Variants in LRRC49 observed in about 807,000 individuals in gnomAD.
The protein encoded by LRRC49 is leucine rich repeat containing 49.
A neutral mutation model predicts 83.3 loss-of-function variants in LRRC49; 50 were observed. The ratio of observed to expected loss-of-function variants is 0.60; its 90% CI spans 0.48 to 0.76. The LOEUF is 0.76. Ranked by LOEUF, LRRC49 falls within the 30% of genes least tolerant of loss-of-function variation. LRRC49 has a pLI of 0.00. For synonymous variants in LRRC49, 286 were observed against 283.3 expected, an observed-to-expected ratio of 1.01 and a Z score of -0.10; for missense variants, 704 against 809.1, an observed-to-expected ratio of 0.87 and a Z score of 1.58.
intron 15 of LRRC49, among the ~76,000 whole-genome samples, chr15:71,040,697 G>A (rs1227427317): frequency 3.3e-5 from 5 of 151,726 alleles, no homozygotes; most frequent in African/African-American, 4.8e-5. Context: ...GTGGGTGCCT[G>A]TAGACCCAGC....
intron 11 of LRRC49, among the ~76,000 whole-genome samples, chr15:70,994,526 G>A (rs923412569): frequency 2.0e-5 from 3 of 152,034 alleles, no homozygotes; most frequent in Non-Finnish European, 4.4e-5. Context: ...CCAGGCTGAA[G>A]TGCGGTGGCA....
intron 8 of LRRC49, among the ~76,000 whole-genome samples, chr15:70,952,627 T>C (rs751920554): frequency 9.2e-5 from 14 of 152,132 alleles, no homozygotes; most frequent in Non-Finnish European, 1.9e-4. Flanking sequence ...TGGAGTGTTC[T>C]GTAGATGTCT....
chr15:70,860,757 G>T (rs2032770006), intron 1 of LRRC49, among the ~76,000 whole-genome samples: 1 of 152,154 alleles, frequency 6.6e-6, no homozygotes, highest in Admixed American at 6.5e-5. Flanking sequence ...TATGAGTATT[G>T]TCCATTAATA....
chr15:70,903,543 C>T (rs562308734), intron 4 of LRRC49, among the ~76,000 whole-genome samples: 1 of 151,750 alleles, frequency 6.6e-6, no homozygotes, highest in African/African-American at 2.4e-5. Context: ...TCTTTTTTCT[C>T]TTTATCAGGA....
intron 10 of LRRC49, among the ~76,000 whole-genome samples, 163 bp downstream of exon 10, chr15:70,980,347 A>G (rs555620557): frequency 7.9e-5 from 12 of 152,310 alleles, no homozygotes; most frequent in South Asian, 2.1e-4. Flanking sequence ...GTTATTACCT[A>G]TAAATAAACC....
intron 2 of LRRC49, chr15:70,894,755 G>A (rs1198965203): frequency 7.7e-6 from 3 of 387,214 alleles, no homozygotes; most frequent in South Asian, 3.1e-5. Context: ...CATGAAGAAG[G>A]GTAAGAAAAG....
intron 14 of LRRC49, among the ~76,000 whole-genome samples, chr15:71,032,996 T>G (rs2039405979): frequency 1.3e-5 from 2 of 152,156 alleles, no homozygotes; most frequent in Non-Finnish European, 2.9e-5. Flanking sequence ...AACATAGTAT[T>G]GGAAGTTCTG....
At chr15:71,032,033 C>A (rs1026112216) in intron 14 of LRRC49, among the ~76,000 whole-genome samples, 1 of 152,134 alleles carries the variant, frequency 6.6e-6, no homozygotes, top group Admixed American at 6.6e-5. Context: ...CCAGGCGCCA[C>A]TGGGGTATGA....
chr15:70,885,049 T>C (rs1243484034), intron 2 of LRRC49, among the ~76,000 whole-genome samples: 1 of 152,172 alleles, frequency 6.6e-6, no homozygotes, highest in East Asian at 1.9e-4. Flanking sequence ...TCTACAGATA[T>C]ACTACAATTT....
At chr15:71,019,124 G>A (rs949829379) in intron 14 of LRRC49, among the ~76,000 whole-genome samples, 1 of 152,020 alleles carries the variant, frequency 6.6e-6, no homozygotes, top group African/African-American at 2.4e-5. Flanking sequence ...GGTTTTTGTG[G>A]AGACATCATT....
At chr15:71,007,875 C>T (rs1382379439) in intron 11 of LRRC49, among the ~76,000 whole-genome samples, 2 of 150,986 alleles carry the variant, frequency 1.3e-5, no homozygotes, top group African/African-American at 4.9e-5. Flanking sequence ...TTGAAGTATC[C>T]AAAAGTAGAA....
chr15:70,858,137 T>G (rs1048949899), intron 1 of LRRC49, among the ~76,000 whole-genome samples: 2 of 152,196 alleles, frequency 1.3e-5, no homozygotes, highest in African/African-American at 4.8e-5. Flanking sequence ...CATTGTAAAT[T>G]AATAAATCAG....
chr15:70,984,401 G>T, intron 11 of LRRC49, 144 bp downstream of exon 11: 1 of 676,716 alleles, frequency 1.5e-6, no homozygotes, highest in African/African-American at 1.8e-5. Flanking sequence ...TGGAAAAGTT[G>T]AAAATATAAA....
intron 14 of LRRC49, among the ~76,000 whole-genome samples, chr15:71,033,048 A>G (rs1469732089): frequency 1.3e-5 from 2 of 152,222 alleles, no homozygotes; most frequent in African/African-American, 2.4e-5. Context: ...AGCGTATTCA[A>G]AAAGGAAGAG....
rs573034583 is a variant in LRRC49 at position 71,005,881 on chromosome 15, A to G, written c.1170-2498A>G. On this transcript the variant is annotated intron_variant, in intron 11 of 15. Coordinates refer to ENST00000260382, the MANE Select transcript of LRRC49 (RefSeq NM_017691.5). Reference sequence around the variant, plus strand: ...AAACTAGAAGAACAATCCCCAAAATATAAACATTGTTTGGCAAGCTAAGTC... The same window carrying G: ...AAACTAGAAGAACAATCCCCAAAATGTAAACATTGTTTGGCAAGCTAAGTC... Among the ~76,000 whole-genome samples, 5 of 152,348 alleles carry G rather than the reference A, an allele frequency of 3.3e-5. No homozygotes were observed. The South Asian group carries it at 1.0e-3, about 32-fold the overall frequency.
At chr15:70,864,125 C>G (rs1034752528) in intron 1 of LRRC49, among the ~76,000 whole-genome samples, 3 of 152,130 alleles carry the variant, frequency 2.0e-5, no homozygotes, top group African/African-American at 7.2e-5. Context: ...TATGAACACA[C>G]ATGAGACACC....
At chr15:71,038,390 GA>G (rs2039591402) in intron 15 of LRRC49, among the ~76,000 whole-genome samples, 1 of 152,050 alleles carries the variant, frequency 6.6e-6, no homozygotes, top group South Asian at 2.1e-4. Flanking sequence ...CAGTGTATCA[GA>G]AGAAAGCAAA....
At chr15:71,009,651 T>A in intron 12 of LRRC49, 156 bp from the exon 13 acceptor site, 1 of 525,276 alleles carries the variant, frequency 1.9e-6, no homozygotes. Flanking sequence ...TTATGTAAGT[T>A]TAGTACATTC....
At chr15:70,859,359 G>C (rs1440304542) in intron 1 of LRRC49, 1 of 773,706 alleles carries the variant, frequency 1.3e-6, no homozygotes, top group African/African-American at 1.7e-5. Flanking sequence ...TGCCTGGAAG[G>C]GCTGACTGAC....
Sources: allele counts gnomAD v4.1 joint callset (sites outside exome capture counted in the v4.1 genomes callset), GRCh38; gene constraint gnomAD v4.1.1; transcripts MANE v1.5; gene names NCBI Gene and HGNC (gene_info 2026-07-23, HGNC 2026-07-21).